Variants in CNTN4 observed in about 807,000 individuals in gnomAD.
CNTN4 encodes contactin 4.
A neutral mutation model predicts 122.5 loss-of-function variants in CNTN4; 77 were observed. The observed-to-expected ratio is 0.63, with a 90% CI of 0.52 to 0.76. The LOEUF is 0.76. Ranked by LOEUF, CNTN4 falls within the 30% of genes least tolerant of loss-of-function variation. The pLI, the probability that CNTN4 is intolerant of heterozygous loss-of-function variation, is 0.00. For missense variants in CNTN4, 1,256 were observed against 1,259.1 expected (o/e 1.00, Z 0.04); for synonymous variants, 512 against 447.0 (o/e 1.15, Z -1.83).
At chr3:2,898,894 G>A (rs1480125544) in intron 10 of CNTN4, among the ~76,000 whole-genome samples, 1 of 152,172 alleles carries the variant, frequency 6.6e-6, no homozygotes, top group Admixed American at 6.5e-5. Context: ...AATTCTCCAA[G>A]CAGAGAACCT....
At chr3:2,659,905 G>A (rs188975535) in intron 4 of CNTN4, among the ~76,000 whole-genome samples, 4 of 152,202 alleles carry the variant, frequency 2.6e-5, no homozygotes, top group African/African-American at 9.6e-5. Flanking sequence ...CAGATACATC[G>A]AACTGGAAAC....
intron 2 of CNTN4, among the ~76,000 whole-genome samples, chr3:2,120,827 C>T (rs549848696): frequency 4.6e-5 from 7 of 152,090 alleles, no homozygotes; most frequent in Non-Finnish European, 1.0e-4. Flanking sequence ...GAATTTTAAT[C>T]ATAATGAGTA....
intron 7 of CNTN4, among the ~76,000 whole-genome samples, chr3:2,858,203 G>A (rs527446501): frequency 5.9e-5 from 9 of 152,146 alleles, no homozygotes; most frequent in African/African-American, 1.9e-4. Context: ...TCTTCAGGCC[G>A]ACAGCATCAG....
At chr3:2,203,759 G>A (rs1208066332) in intron 2 of CNTN4, among the ~76,000 whole-genome samples, 1 of 152,094 alleles carries the variant, frequency 6.6e-6, no homozygotes, top group Admixed American at 6.6e-5. Flanking sequence ...TGACCTCCTT[G>A]AAAGCACAAC....
intron 4 of CNTN4, among the ~76,000 whole-genome samples, chr3:2,720,084 A>G (rs1328359955): frequency 2.0e-5 from 3 of 152,326 alleles, no homozygotes; most frequent in African/African-American, 7.2e-5. Context: ...GTAAAGTATT[A>G]TAAGTGTGAC....
chr3:2,557,321 C>T (rs777896560), intron 3 of CNTN4, among the ~76,000 whole-genome samples: 3 of 152,218 alleles, frequency 2.0e-5, no homozygotes, highest in Admixed American at 6.5e-5. Flanking sequence ...GATCTCACAT[C>T]GCATTGCAAG....
intron 4 of CNTN4, among the ~76,000 whole-genome samples, chr3:2,635,082 AT>A (rs1000818899): frequency 3.3e-5 from 5 of 150,390 alleles, no homozygotes; most frequent in East Asian, 2.0e-4. Flanking sequence ...TTTTCATCGA[AT>A]TTTTTTTTTC....
chr3:2,903,969 A>C (rs2151160625), intron 12 of CNTN4, among the ~76,000 whole-genome samples: 1 of 152,320 alleles, frequency 6.6e-6, no homozygotes, highest in African/African-American at 2.4e-5. Flanking sequence ...TTAATAGATT[A>C]GGTCAGTAAA....
chr3:2,359,195 T>A (rs977182552), intron 3 of CNTN4, among the ~76,000 whole-genome samples: 1 of 152,300 alleles, frequency 6.6e-6, no homozygotes, highest in Admixed American at 6.5e-5. Context: ...AAGATACATC[T>A]GCACCATTTA....
At chr3:2,398,167 A>G (rs2046708438) in intron 3 of CNTN4, among the ~76,000 whole-genome samples, 1 of 152,188 alleles carries the variant, frequency 6.6e-6, no homozygotes, top group Non-Finnish European at 1.5e-5. Flanking sequence ...TGAAAAATAA[A>G]TAACAGTGCA....
At position 2,447,977 on chromosome 3, in the gene CNTN4, TC is replaced by T. The variant is rs1315887173; in HGVS notation, c.-89+108746del. Among the ~76,000 whole-genome samples the T allele has an allele frequency of 2.0e-5, 3 of 152,266 alleles. No individual in the cohort carries two copies. The East Asian group carries it at 5.8e-4, about 29-fold the overall frequency. On this transcript the variant is annotated intron_variant, in intron 3 of 24. Coordinates refer to ENST00000418658, the MANE Select transcript of CNTN4 (RefSeq NM_175607.3). ...AAAAAAGATAGAATCAAGCCTTAGG[TC>T]CAGGCCTGTCTAACACAAAAGCAAA...
At chr3:2,958,684 A>G in intron 13 of CNTN4, among the ~76,000 whole-genome samples, 1 of 152,194 alleles carries the variant, frequency 6.6e-6, no homozygotes, top group Non-Finnish European at 1.5e-5. Flanking sequence ...AATGCAGGGC[A>G]GGCAGAAAGA....
intron 4 of CNTN4, among the ~76,000 whole-genome samples, chr3:2,713,058 A>C (rs1167953975): frequency 6.6e-6 from 1 of 152,138 alleles, no homozygotes; most frequent in Non-Finnish European, 1.5e-5. Context: ...AATTAATTGA[A>C]CCCACAGTGG....
intron 3 of CNTN4, among the ~76,000 whole-genome samples, chr3:2,445,476 T>G (rs1559558834): frequency 2.0e-5 from 3 of 152,226 alleles, no homozygotes; most frequent in Non-Finnish European, 4.4e-5. Flanking sequence ...TAGTCCTCTT[T>G]GAAAATATTT....
At chr3:2,651,798 G>A (rs1207995190) in intron 4 of CNTN4, among the ~76,000 whole-genome samples, 1 of 151,528 alleles carries the variant, frequency 6.6e-6, no homozygotes, top group Non-Finnish European at 1.5e-5. Context: ...CACCTCCCTG[G>A]TTCAAGCAAT....
chr3:2,176,299 A>C (rs2036745471), intron 2 of CNTN4, among the ~76,000 whole-genome samples: 1 of 152,172 alleles, frequency 6.6e-6, no homozygotes, highest in African/African-American at 2.4e-5. Flanking sequence ...GCAGAATATA[A>C]ATAAAGGGTC....
chr3:2,327,153 T>TGTGTTTGTGTG (rs1559455687), intron 2 of CNTN4, among the ~76,000 whole-genome samples: 3 of 114,004 alleles, frequency 2.6e-5, no homozygotes, highest in Non-Finnish European at 5.9e-5. Flanking sequence ...GTGTGTGTGT[T>TGTGTTTGTGTG]TGTGTGTGTG....
chr3:2,121,496 CAAAAAAA>C (rs201166713), intron 2 of CNTN4, among the ~76,000 whole-genome samples: 2 of 98,108 alleles, frequency 2.0e-5, no homozygotes, highest in African/African-American at 8.3e-5. Context: ...GACTCCGTCT[CAAAAAAA>C]AAAAAAAAAA....
intron 7 of CNTN4, among the ~76,000 whole-genome samples, chr3:2,826,239 G>T (rs2150329838): frequency 6.6e-6 from 1 of 152,264 alleles, no homozygotes; most frequent in African/African-American, 2.4e-5. Context: ...TTAAATCTGA[G>T]TTTCTTGATG....
Sources: allele counts gnomAD v4.1 joint callset (sites outside exome capture counted in the v4.1 genomes callset), GRCh38; gene constraint gnomAD v4.1.1; transcripts MANE v1.5; gene names NCBI Gene and HGNC (gene_info 2026-07-23, HGNC 2026-07-21).